The following CLN8 variants were observed in gnomAD, a reference collection of about 807,000 sequenced individuals.
CLN8 encodes CLN8 transmembrane ER and ERGIC protein.
In CLN8, 14 loss-of-function variants were observed where a neutral mutation model predicts 15.7. The observed-to-expected ratio is 0.89, with a 90% CI of 0.59 to 1.39. The LOEUF (loss-of-function observed/expected upper bound fraction) is 1.39. Among genes scored for constraint, CLN8 ranks in the 40% most tolerant of loss-of-function variants. CLN8 has a pLI of 0.00. For missense variants in CLN8, 415 were observed against 364.0 expected (o/e 1.14, Z -1.14); for synonymous variants, 188 against 151.0 (o/e 1.25, Z -1.80).
upstream of CLN8, chr8:1,762,716 G>A (rs1393959955): frequency 6.6e-6 from 1 of 152,218 alleles, no homozygotes; most frequent in East Asian, 1.9e-4. Flanking sequence ...CTGAGGGGGA[G>A]ATAAGGCAGT....
rs184346819 is a variant in CLN8, at chr8:1,770,965, G to A, written c.-90G>A. 5.0e-4 allele frequency: 594 copies of A among 1,190,096 alleles called. 1 individual carries two copies. The highest frequency in any genetic ancestry group is 3.3e-3 in the Middle Eastern group (15 of 4,602). The allele number at this position is 1,190,096 out of a possible 1,614,324, so 73.7% of individuals were successfully genotyped here. The stretch of plus-strand genomic sequence containing the variant: ...TGGATACGTGACAATCCCAGGGACC[G>A]CTGCACTGACTTCATTTCCTTAGAC... On this transcript the variant is annotated 5_prime_UTR_variant, in exon 2 of 3. Coordinates refer to ENST00000331222, the MANE Select transcript of CLN8 (RefSeq NM_018941.4).
chr8:1,784,177 T>G lies in CLN8; in HGVS notation c.*3610T>G, dbSNP rs1801775651. On this transcript the variant is annotated 3_prime_UTR_variant, in exon 3 of 3. Transcript: ENST00000331222. ...GTGCATGCCTGTGGTCCCAGCTACT[T>G]GGGAGGCTAAGGTAGAAGAATTGCT... The G allele has an allele frequency of 6.6e-6, 1 of 151,572 alleles. No individual in the cohort carries two copies. The highest frequency in any genetic ancestry group is 1.5e-5 in the Non-Finnish European group (1 of 68,038). 9.4% of individuals were successfully genotyped at this position (151,572 alleles called of 1,614,324 possible). A position where few individuals can be genotyped will look rare whatever the true frequency, so the allele number is the denominator to read the frequency against.
chr8:1,759,187 G>C (rs770902132), upstream of CLN8: 3 of 152,188 alleles, frequency 2.0e-5, no homozygotes, highest in East Asian at 1.9e-4. Flanking sequence ...TAAGGAGCCT[G>C]TCCCACCCCC....
chr8:1,770,707 G>C lies in CLN8; in HGVS notation c.-123-225G>C, dbSNP rs4875806. On this transcript the variant is annotated intron_variant, in intron 1 of 2. Coordinates refer to ENST00000331222, the MANE Select transcript of CLN8 (RefSeq NM_018941.4). ...TAGGACCGTGTGTTCCTGCCAGCAC[G>C]GCTCCGGCCTCCTGTTCGTGGCTGG... Among the ~76,000 whole-genome samples the C allele has an allele frequency of 0.81, 122,484 of 152,124 alleles. 49,566 individuals are homozygous for C. The highest frequency in any genetic ancestry group is 0.84 in the African/African-American group (34,977 of 41,496).
At chr8:1,778,683 C>G (rs186371610) in intron 2 of CLN8, among the ~76,000 whole-genome samples, 1 of 152,194 alleles carries the variant, frequency 6.6e-6, no homozygotes, top group African/African-American at 2.4e-5. Flanking sequence ...ATGAGGGTGC[C>G]GTGATGCACA....
At chr8:1,770,029 T>C (rs1461427387) in intron 1 of CLN8, among the ~76,000 whole-genome samples, 1 of 152,200 alleles carries the variant, frequency 6.6e-6, no homozygotes, top group East Asian at 1.9e-4. Context: ...GTCATTACAC[T>C]GGGATACACT....
chr8:1,771,501 C>G lies in CLN8; in HGVS notation c.447C>G (p.Cys149Trp), dbSNP rs758707781. 3 of 1,614,216 alleles carry G rather than the reference C, an allele frequency of 1.9e-6. No individual in the cohort carries two copies. The highest frequency in any genetic ancestry group is 2.5e-6 in the Non-Finnish European group (3 of 1,180,050). The change falls in exon 2 of 3, where the codon TGC becomes TGG. Residue 149 changes from cysteine to tryptophan, a missense_variant. By Grantham distance (215) the Cys-to-Trp change is radical. Transcript: ENST00000331222. ...TTGCCTTTCTTGGGTTTCTTGGCTGCTTGGTCAATCTCCAAGCTGGCCACT... is the reference window on the plus strand; with the variant it reads ...TTGCCTTTCTTGGGTTTCTTGGCTGGTTGGTCAATCTCCAAGCTGGCCACT... ...HLFAFLGFLG[C>W]LVNLQAGHYL... is the part of the protein sequence containing the mutation.
chr8:1,758,322 C>G (rs909246318), intron 1 of CLN8: 4 of 82,508 alleles, frequency 4.8e-5, no homozygotes, highest in African/African-American at 1.5e-4. Context: ...ACAGACTTGT[C>G]AACACAAAGA....
At chr8:1,753,878 C>A (rs1251429475), upstream of CLN8, among the ~76,000 whole-genome samples, 9 of 151,476 alleles carry the variant, frequency 5.9e-5, no homozygotes, top group South Asian at 1.9e-3. Context: ...AAGAGTGAAC[C>A]TCCATCTCAA....
intron 1 of CLN8, chr8:1,765,333 G>A (rs1487175849): frequency 2.0e-5 from 3 of 152,160 alleles, no homozygotes; most frequent in Admixed American, 2.0e-4. Flanking sequence ...CCCCTTTTAT[G>A]TAAAAAGAAG....
At position 1,785,304 on chromosome 8, in the gene CLN8, A is replaced by ACAGGCGG. The variant is rs1801804950; in HGVS notation, c.*4739_*4745dup. 1.1e-5 allele frequency: 2 copies of ACAGGCGG among 185,896 alleles called. No homozygotes were observed. The highest frequency in any genetic ancestry group is 1.1e-4 in the Admixed American group (2 of 17,472). The allele number at this position is 185,896 out of a possible 1,614,324, so 11.5% of individuals were successfully genotyped here. On this transcript the variant is annotated 3_prime_UTR_variant, in exon 3 of 3. Transcript: ENST00000331222. The stretch of plus-strand genomic sequence containing the variant: ...CAGGTACCGGTCAGACTACGGTGAC[A>ACAGGCGG]CAGGCGGCGTGCGGTTAGACAGGTA...
rs147224140 is a variant in CLN8, at chr8:1,771,465, C to T, written c.411C>T (p.Ile137=). ...GGACATTTGACTTGTTTCTGGTTATCCACCATCTCTTTGCCTTTCTTGGGT... is the reference window on the plus strand; with the variant it reads ...GGACATTTGACTTGTTTCTGGTTATTCACCATCTCTTTGCCTTTCTTGGGT... ...IFRTFDLFLV[I]HHLFAFLGFL... Residue 137 remains isoleucine (I), a synonymous_variant, in exon 2 of 3, where the codon ATC becomes ATT. Coordinates refer to ENST00000331222, the MANE Select transcript of CLN8 (RefSeq NM_018941.4). 1 of 1,614,190 alleles carries T rather than the reference C, an allele frequency of 6.2e-7. No individual in the cohort carries two copies. Among genetic ancestry groups the T allele is most frequent in the Admixed American group, 1.7e-5 (1 of 60,018 alleles).
intron 1 of CLN8, among the ~76,000 whole-genome samples, chr8:1,768,775 C>G (rs1043990569): frequency 1.3e-5 from 2 of 152,182 alleles, no homozygotes; most frequent in South Asian, 4.1e-4. Context: ...AGGGGTTCAA[C>G]GATGCCTTGC....
chr8:1,768,930 T>A (rs557928858), intron 1 of CLN8, among the ~76,000 whole-genome samples: 3 of 152,170 alleles, frequency 2.0e-5, no homozygotes, highest in Non-Finnish European at 4.4e-5. Flanking sequence ...GAAGTGTGGG[T>A]CACGAGGGCA....
chr8:1,770,604 C>T (rs147182852), intron 1 of CLN8, among the ~76,000 whole-genome samples: 41 of 152,180 alleles, frequency 2.7e-4, no homozygotes, highest in African/African-American at 8.9e-4. Flanking sequence ...TTTCATCCTG[C>T]GATGCCTGAA....
In CLN8 at chr8:1,782,648, G is replaced by C. The variant is rs1320139200; in HGVS notation, c.*2081G>C. 1 of 152,216 alleles carries C rather than the reference G, an allele frequency of 6.6e-6. No homozygotes were observed. Among genetic ancestry groups the C allele is most frequent in the South Asian group, 2.1e-4 (1 of 4,836 alleles). The allele number at this position is 152,216 out of a possible 1,614,324, so 9.4% of individuals were successfully genotyped here. A position where few individuals can be genotyped will look rare whatever the true frequency, so the allele number is the denominator to read the frequency against. On this transcript the variant is annotated 3_prime_UTR_variant, in exon 3 of 3. Coordinates refer to ENST00000331222, the MANE Select transcript of CLN8 (RefSeq NM_018941.4). Reference sequence around the variant, plus strand: ...CCTTGTGGAGTCAGCAGGAGCTGGTGTTTTTCAGCCAGACAGAGGCATAAT... The same window carrying C: ...CCTTGTGGAGTCAGCAGGAGCTGGTCTTTTTCAGCCAGACAGAGGCATAAT...
At chr8:1,772,507 G>A (rs537216270) in intron 2 of CLN8, among the ~76,000 whole-genome samples, 439 of 152,216 alleles carry the variant, frequency 2.9e-3, no homozygotes, top group African/African-American at 0.01. Context: ...TGCCCAGGCT[G>A]GAGTGCAGTG....
upstream of CLN8, among the ~76,000 whole-genome samples, chr8:1,753,959 G>C (rs1026326415): frequency 6.6e-6 from 1 of 152,134 alleles, no homozygotes; most frequent in African/African-American, 2.4e-5. Flanking sequence ...TCAAGGAGGG[G>C]GATTCAGGTT....
chr8:1,768,723 A>G (rs534742996), intron 1 of CLN8, among the ~76,000 whole-genome samples: 70 of 152,252 alleles, frequency 4.6e-4, no homozygotes, highest in South Asian at 3.3e-3. Context: ...CCCTCCAGGC[A>G]TTAGGCTGCA....
Sources: allele counts gnomAD v4.1 joint callset (sites outside exome capture counted in the v4.1 genomes callset), GRCh38; gene constraint gnomAD v4.1.1; transcripts MANE v1.5; gene names NCBI Gene and HGNC (gene_info 2026-07-23, HGNC 2026-07-21).